The following ATP2B3 variants were observed in gnomAD, a reference collection of about 807,000 sequenced individuals.
The protein encoded by ATP2B3 is ATPase plasma membrane Ca2+ transporting 3.
A neutral mutation model predicts 70.8 loss-of-function variants in ATP2B3; 12 were observed. The observed-to-expected ratio is 0.17, with a 90% confidence interval of 0.11 to 0.27. ATP2B3 has a LOEUF of 0.27. ATP2B3 is among the 10% of genes least tolerant of loss of function. The pLI is 1.00. For missense variants in ATP2B3, 858 were observed against 1,118.5 expected, an observed-to-expected ratio of 0.77 and a Z score of 3.32; for synonymous variants, 460 against 497.8, an observed-to-expected ratio of 0.92 and a Z score of 1.01.
chrX:153,545,628 C>T (rs115056840), intron 7 of ATP2B3, among the ~76,000 whole-genome samples: 5,003 of 112,668 alleles, frequency 0.044, 154 homozygotes, highest in African/African-American at 0.1. Flanking sequence ...CAAACACACA[C>T]ACACTGAGCT....
intron 2 of ATP2B3, among the ~76,000 whole-genome samples, chrX:153,519,755 G>A (rs1447883704): frequency 3.5e-5 from 4 of 112,777 alleles, no homozygotes; most frequent in African/African-American, 1.3e-4. Context: ...TGCCCTGCAC[G>A]GCCAGGTGGT....
Position 153,560,878 on chromosome X carries a change from C to T in ATP2B3, c.3042C>T (p.Phe1014=), listed in dbSNP as rs181539158. ...PIFCTIVLGT[F]GIQIVIVQFG... is the part of the protein sequence containing the mutation. The stretch of plus-strand genomic sequence containing the variant: ...TCTGCACCATCGTTTTGGGCACTTT[C>T]GGGATTCAGGTAGGAGGGGCGGCTC... The change falls in exon 19 of 22, where the codon TTC becomes TTT. Residue 1014 remains phenylalanine (F), a synonymous_variant. Coordinates refer to ENST00000263519, the MANE Select transcript of ATP2B3 (RefSeq NM_001001344.3). The T allele has an allele frequency of 1.1e-5, 13 of 1,209,914 alleles. No homozygotes were observed. The African/African-American group carries it at 1.6e-4, about 15-fold the overall frequency.
intron 3 of ATP2B3, among the ~76,000 whole-genome samples, chrX:153,538,593 C>A (rs372397197): frequency 2.2e-4 from 25 of 112,879 alleles, no homozygotes; most frequent in Non-Finnish European, 4.5e-4. Context: ...GGGGCGGATT[C>A]GCTGGGAGCC....
chrX:153,537,034 G>A (rs1239785897), intron 3 of ATP2B3, among the ~76,000 whole-genome samples: 1 of 112,752 alleles, frequency 8.9e-6, no homozygotes, highest in Non-Finnish European at 1.9e-5. Context: ...GCCACAGGCT[G>A]TCCCAAAGAG....
intron 8 of ATP2B3, among the ~76,000 whole-genome samples, chrX:153,546,944 G>T (rs886104511): frequency 8.9e-6 from 1 of 112,520 alleles, no homozygotes; most frequent in Non-Finnish European, 1.9e-5. Context: ...ATTGTGTCCT[G>T]ACGCCACTGG....
intron 2 of ATP2B3, among the ~76,000 whole-genome samples, chrX:153,523,857 G>A (rs192630732): frequency 0.011 from 1,250 of 109,292 alleles, 17 homozygotes; most frequent in African/African-American, 0.031. Flanking sequence ...CACCACACCC[G>A]GCTAATTTTT....
chrX:153,548,614 T>G lies in ATP2B3; in HGVS notation c.1124-26T>G, dbSNP rs782117943. 1.9e-5 allele frequency: 23 copies of G among 1,189,648 alleles called. No individual in the cohort carries two copies. In the African/African-American group the frequency reaches 3.6e-4, roughly 18 times the overall value. Reference sequence around the variant, plus strand: ...CCTTCCCTCACCCGTGGCAACCCCTTTCGTCTCCTCCCCGCTCTGTGGCAG... The same window carrying G: ...CCTTCCCTCACCCGTGGCAACCCCTGTCGTCTCCTCCCCGCTCTGTGGCAG... On this transcript the variant is annotated intron_variant, in intron 9 of 21. Transcript: ENST00000263519.
At chrX:153,578,711 C>A (rs2124555080) in intron 21 of ATP2B3, among the ~76,000 whole-genome samples, 1 of 112,478 alleles carries the variant, frequency 8.9e-6, no homozygotes, top group African/African-American at 3.2e-5. Flanking sequence ...TTCCGCTGAT[C>A]TGAGGTCTGC....
intron 17 of ATP2B3, chrX:153,559,123 C>T (rs2077081104): frequency 1.8e-5 from 2 of 112,389 alleles, no homozygotes; most frequent in South Asian, 7.5e-4. Context: ...GTTTATATCC[C>T]TCCACTGTCT....
At chrX:153,535,602 G>A (rs145323308) in intron 2 of ATP2B3, among the ~76,000 whole-genome samples, 1,964 of 111,057 alleles carry the variant, frequency 0.018, 48 homozygotes, top group African/African-American at 0.062. Context: ...CACAGAAACC[G>A]TGAGCCACTA....
At chrX:153,536,566 C>T (rs2090194446) in intron 3 of ATP2B3, 111 bp downstream of exon 3, 7 of 864,885 alleles carry the variant, frequency 8.1e-6, no homozygotes, top group Non-Finnish European at 8.2e-6. Flanking sequence ...CCACCTGTGC[C>T]CCTCCTCTCA....
chrX:153,536,911 G>A (rs1173407570), intron 3 of ATP2B3, among the ~76,000 whole-genome samples: 1 of 112,254 alleles, frequency 8.9e-6, no homozygotes, highest in Non-Finnish European at 1.9e-5. Flanking sequence ...GCCTCTCCTG[G>A]GAAGAGAGAG....
rs782007513 is a variant in ATP2B3 at position 153,558,083 on chromosome X, CTGTG to C, written c.2434-26_2434-23del. The C allele has an allele frequency of 7.6e-6, 9 of 1,186,799 alleles. No homozygotes were observed. In the East Asian group the frequency reaches 2.7e-4, roughly 36 times the overall value. ...TGGGGAAGGGGCCCCCACAAACACT[CTGTG>C]TGAGTGTGTGTGTCACCCCCCCAGG... On this transcript the variant is annotated intron_variant, in intron 16 of 21. Transcript: ENST00000263519.
intron 3 of ATP2B3, among the ~76,000 whole-genome samples, chrX:153,539,684 T>C (rs2269407): frequency 0.18 from 20,382 of 112,413 alleles, 1,983 homozygotes; most frequent in African/African-American, 0.38. Flanking sequence ...AGTGTGGGTC[T>C]GGTCACGGCC....
At chrX:153,526,180 GC>G (rs1160676853) in intron 2 of ATP2B3, among the ~76,000 whole-genome samples, 2 of 112,726 alleles carry the variant, frequency 1.8e-5, no homozygotes, top group Non-Finnish European at 3.8e-5. Context: ...CCTGTCCCCA[GC>G]CCAGCTGTGC....
At chrX:153,575,868 G>A (rs932219325) in intron 21 of ATP2B3, among the ~76,000 whole-genome samples, 1 of 110,712 alleles carries the variant, frequency 9.0e-6, no homozygotes, top group Non-Finnish European at 1.9e-5. Context: ...AAAGGACTGT[G>A]GCCTCTCAGG....
At chrX:153,520,937 G>A (rs1200081975) in intron 2 of ATP2B3, among the ~76,000 whole-genome samples, 2 of 112,754 alleles carry the variant, frequency 1.8e-5, no homozygotes, top group East Asian at 5.5e-4. Context: ...CCCACTGAGA[G>A]AAATGGACAA....
chrX:153,536,591 G>C (rs1487683675), intron 3 of ATP2B3, 136 bp downstream of exon 3: 8 of 691,826 alleles, frequency 1.2e-5, no homozygotes, highest in South Asian at 1.0e-4. Flanking sequence ...TTTCCCTTGA[G>C]GGGGAGATGC....
At chrX:153,549,965 G>A in intron 11 of ATP2B3, 80 bp from the exon 12 acceptor site, 1 of 1,169,791 alleles carries the variant, frequency 8.5e-7, no homozygotes, top group East Asian at 3.0e-5. Context: ...TGACCACGAG[G>A]GGGCAGAGCT....
Sources: allele counts gnomAD v4.1 joint callset (sites outside exome capture counted in the v4.1 genomes callset), GRCh38; gene constraint gnomAD v4.1.1; transcripts MANE v1.5; gene names NCBI Gene and HGNC (gene_info 2026-07-23, HGNC 2026-07-21).